Variants in RALY observed in about 807,000 individuals in gnomAD.
The protein encoded by RALY is RALY heterogeneous nuclear ribonucleoprotein.
RALY carries 15 observed loss-of-function variants against 30.7 expected under a neutral mutation model. The observed-to-expected ratio is 0.49, with a 90% CI of 0.33 to 0.75. RALY has a LOEUF of 0.75. Ranked by LOEUF, RALY falls within the 30% of genes least tolerant of loss-of-function variation. RALY has a pLI of 0.02. For synonymous variants in RALY, 177 were observed against 170.8 expected, an observed-to-expected ratio of 1.04 and a Z score of -0.28; for missense variants, 339 against 414.3, an observed-to-expected ratio of 0.82 and a Z score of 1.58.
intron 2 of RALY, among the ~76,000 whole-genome samples, chr20:34,047,136 T>C (rs553284342): frequency 1.3e-5 from 2 of 151,490 alleles, no homozygotes; most frequent in Non-Finnish European, 2.9e-5. Flanking sequence ...CTATTCTTAA[T>C]GTGTTTTTCA....
chr20:34,029,290 A>T (rs2032171016), intron 1 of RALY, among the ~76,000 whole-genome samples: 1 of 152,008 alleles, frequency 6.6e-6, no homozygotes, highest in South Asian at 2.1e-4. Context: ...ATACAAAATT[A>T]GCTGGGCATG....
intron 2 of RALY, among the ~76,000 whole-genome samples, chr20:34,060,153 C>G (rs2033374411): frequency 6.6e-6 from 1 of 152,052 alleles, no homozygotes; most frequent in African/African-American, 2.4e-5. Context: ...TTTCCTTGAT[C>G]ACAGTTCAGC....
chr20:34,074,413 C>T (rs914690757), intron 5 of RALY, among the ~76,000 whole-genome samples: 1 of 152,290 alleles, frequency 6.6e-6, no homozygotes, highest in East Asian at 1.9e-4. Flanking sequence ...GCACTAGCCA[C>T]ATTCTTGAGT....
At chr20:33,998,909 C>T (rs1045215795) in intron 1 of RALY, among the ~76,000 whole-genome samples, 15 of 151,756 alleles carry the variant, frequency 9.9e-5, no homozygotes, top group Non-Finnish European at 2.1e-4. Flanking sequence ...GGTGGATCAC[C>T]TGAGGTCAGG....
At chr20:34,077,706 G>T (rs1294082162) in intron 8 of RALY, 2 of 225,556 alleles carry the variant, frequency 8.9e-6, no homozygotes, top group Non-Finnish European at 1.8e-5. Context: ...GCTGAGGCCG[G>T]CAGGCCATTT....
At chr20:34,045,472 A>G (rs544987369) in intron 2 of RALY, among the ~76,000 whole-genome samples, 1 of 152,258 alleles carries the variant, frequency 6.6e-6, no homozygotes, top group Admixed American at 6.5e-5. Context: ...GGCAGGAGAT[A>G]AGGTTGGAGA....
At chr20:34,054,993 C>A (rs2033197599) in intron 2 of RALY, among the ~76,000 whole-genome samples, 2 of 152,146 alleles carry the variant, frequency 1.3e-5, no homozygotes, top group Non-Finnish European at 2.9e-5. Context: ...CTTGCATTAT[C>A]TTAACATTAT....
chr20:34,056,145 G>T (rs1479213981), intron 2 of RALY, among the ~76,000 whole-genome samples: 13 of 152,050 alleles, frequency 8.5e-5, no homozygotes, highest in Admixed American at 8.5e-4. Context: ...TAGTATCATC[G>T]GCATCATTTC....
intron 1 of RALY, among the ~76,000 whole-genome samples, chr20:34,029,163 GA>G (rs1344807232): frequency 6.6e-6 from 1 of 152,138 alleles, no homozygotes; most frequent in Non-Finnish European, 1.5e-5. Flanking sequence ...GAACCAAGAG[GA>G]AGTTGACATA....
intron 2 of RALY, among the ~76,000 whole-genome samples, chr20:34,036,559 TG>T (rs1309194172): frequency 6.6e-6 from 1 of 152,222 alleles, no homozygotes; most frequent in Non-Finnish European, 1.5e-5. Context: ...AATGAATTGA[TG>T]TGTTCCCTCC....
chr20:34,018,132 A>G (rs1173028544), intron 1 of RALY, among the ~76,000 whole-genome samples: 1 of 152,262 alleles, frequency 6.6e-6, no homozygotes. Flanking sequence ...GCATTAGAGC[A>G]GTACCTAACG....
At chr20:34,022,221 G>A (rs1266892798) in intron 1 of RALY, among the ~76,000 whole-genome samples, 3 of 151,726 alleles carry the variant, frequency 2.0e-5, no homozygotes, top group Admixed American at 1.3e-4. Context: ...GAGCCACCAT[G>A]CACAGCCTGG....
At chr20:33,999,437 T>C (rs533782494) in intron 1 of RALY, among the ~76,000 whole-genome samples, 1 of 152,264 alleles carries the variant, frequency 6.6e-6, no homozygotes, top group East Asian at 1.9e-4. Flanking sequence ...CTGGCTAAAC[T>C]GGATGATGCA....
At chr20:34,005,369 C>T (rs1290372239) in intron 1 of RALY, among the ~76,000 whole-genome samples, 7 of 151,922 alleles carry the variant, frequency 4.6e-5, no homozygotes, top group South Asian at 2.1e-4. Context: ...ATTAGCTGGG[C>T]GTGGTGGCGC....
Position 34,082,198 on chromosome 20 carries a change from G to A in RALY, c.*2293G>A, listed in dbSNP as rs1012298587. ...ACATCTTTCCTTGCCCAGAAGGCGA[G>A]AGCCAGCTATAACAGACCCATTTCA... On this transcript the variant is annotated 3_prime_UTR_variant, in exon 10 of 10. Transcript: ENST00000246194. 6.6e-6 allele frequency: 1 copy of A among 152,308 alleles called. No individual in the cohort carries two copies. Among genetic ancestry groups the A allele is most frequent in the Non-Finnish European group, 1.5e-5 (1 of 68,124 alleles). 9.4% of individuals were successfully genotyped at this position (152,308 alleles called of 1,614,324 possible).
chr20:34,031,509 C>G lies in RALY; in HGVS notation c.-92-13C>G, dbSNP rs1203525067. 6.6e-6 allele frequency: 1 copy of G among 152,158 alleles called. No individual in the cohort carries two copies. Among genetic ancestry groups the G allele is most frequent in the African/African-American group, 2.4e-5 (1 of 41,416 alleles). 9.4% of individuals were successfully genotyped at this position (152,158 alleles called of 1,614,324 possible). ...TGAGCAGCACCCCTAATGGACTTCTCTCTCTATTGTAGGTGAGCCCTATTC... is the reference window on the plus strand; with the variant it reads ...TGAGCAGCACCCCTAATGGACTTCTGTCTCTATTGTAGGTGAGCCCTATTC... On this transcript the variant is annotated splice_polypyrimidine_tract_variant and intron_variant, in intron 1 of 9. Coordinates refer to ENST00000246194, the MANE Select transcript of RALY (RefSeq NM_016732.3).
chr20:34,048,346 A>AGC (rs1300428829), intron 2 of RALY, among the ~76,000 whole-genome samples: 1 of 152,008 alleles, frequency 6.6e-6, no homozygotes, highest in Non-Finnish European at 1.5e-5. Context: ...TATGCTATGG[A>AGC]GCATATAGCT....
chr20:34,047,895 C>A (rs2032938970), intron 2 of RALY, among the ~76,000 whole-genome samples: 1 of 152,140 alleles, frequency 6.6e-6, no homozygotes, highest in African/African-American at 2.4e-5. Flanking sequence ...CCTGACCAAC[C>A]CCCAACCCCA....
At chr20:34,000,551 A>G (rs1028478233) in intron 1 of RALY, among the ~76,000 whole-genome samples, 9 of 152,000 alleles carry the variant, frequency 5.9e-5, no homozygotes, top group Non-Finnish European at 1.0e-4. Context: ...AATGGCTTTC[A>G]TGGTAATCAA....
Sources: allele counts gnomAD v4.1 joint callset (sites outside exome capture counted in the v4.1 genomes callset), GRCh38; gene constraint gnomAD v4.1.1; transcripts MANE v1.5; gene names NCBI Gene and HGNC (gene_info 2026-07-23, HGNC 2026-07-21).